NDUFAF7: variants seen among roughly 807,000 people sequenced by gnomAD.
The protein encoded by NDUFAF7 is protein arginine methyltransferase NDUFAF7, mitochondrial.
In NDUFAF7, 48 loss-of-function variants were observed where a neutral mutation model predicts 47.2. That is an observed-to-expected ratio of 1.02 (90% CI 0.81 to 1.29). NDUFAF7 has a LOEUF of 1.29. Among genes scored for constraint, NDUFAF7 ranks in the 50% most tolerant of loss-of-function variants. The probability of loss-of-function intolerance (pLI) is 0.00; values close to 1 mark genes in which losing one functional copy is unlikely to be tolerated. For missense variants in NDUFAF7, 635 were observed against 537.6 expected, an observed-to-expected ratio of 1.18 and a Z score of -1.79; for synonymous variants, 217 against 190.0, an observed-to-expected ratio of 1.14 and a Z score of -1.17.
chr2:37,269,499 C>T, the NDUFAF7 span: 9 of 830,602 alleles, frequency 1.1e-5, no homozygotes, highest in Admixed American at 1.4e-4. Flanking sequence ...ACAAGTCAGC[C>T]TTTAAAAAAA....
downstream of NDUFAF7, among the ~76,000 whole-genome samples, chr2:37,254,708 T>C (rs974465312): frequency 5.3e-5 from 8 of 152,180 alleles, no homozygotes; most frequent in African/African-American, 1.9e-4. Context: ...TATTTGAAGA[T>C]GAATGAAACA....
chr2:37,242,951 G>T (rs1316535444), intron 6 of NDUFAF7, among the ~76,000 whole-genome samples: 3 of 152,008 alleles, frequency 2.0e-5, no homozygotes, highest in Admixed American at 2.0e-4. Context: ...TGGTAAGATG[G>T]TAACTGGCTG....
intron 2 of NDUFAF7, among the ~76,000 whole-genome samples, chr2:37,232,742 G>C (rs548158224): frequency 6.6e-6 from 1 of 152,338 alleles, no homozygotes; most frequent in East Asian, 1.9e-4. Flanking sequence ...TTGGAGACAT[G>C]TGCTGGGTTT....
chr2:37,242,530 A>G, intron 5 of NDUFAF7, 105 bp from the exon 6 acceptor site: 2 of 801,316 alleles, frequency 2.5e-6, no homozygotes, highest in Non-Finnish European at 4.2e-6. Context: ...ATTCTGTGGT[A>G]GTGATGATTA....
chr2:37,235,043 T>C (rs1232815017), intron 2 of NDUFAF7, among the ~76,000 whole-genome samples: 1 of 152,174 alleles, frequency 6.6e-6, no homozygotes, highest in African/African-American at 2.4e-5. Flanking sequence ...GGCATGATCT[T>C]CTGCAAACAA....
chr2:37,242,060 C>G lies in NDUFAF7; in HGVS notation c.622+269C>G, dbSNP rs1666407186. ...TGTACTTTTGAGTATTTCCCTATAG[C>G]TAGGGTTGTACCGATGACGGAGCAG... On this transcript the variant is annotated intron_variant, in intron 5 of 9. Transcript: ENST00000002125. 4.5e-5 allele frequency: 22 copies of G among 493,450 alleles called. No individual in the cohort carries two copies. The South Asian group carries it at 5.1e-4, about 11-fold the overall frequency. 30.6% of individuals were successfully genotyped at this position (493,450 alleles called of 1,614,324 possible).
intron 7 of NDUFAF7, among the ~76,000 whole-genome samples, 174 bp from the exon 8 acceptor site, chr2:37,245,878 T>G (rs1666846538): frequency 6.6e-6 from 1 of 152,196 alleles, no homozygotes; most frequent in Non-Finnish European, 1.5e-5. Context: ...ACTAAGGAGT[T>G]TTGTATAATA....
At chr2:37,261,916 T>C in the NDUFAF7 span, among the ~76,000 whole-genome samples, 1 of 152,214 alleles carries the variant, frequency 6.6e-6, no homozygotes, top group Non-Finnish European at 1.5e-5. Flanking sequence ...ACCATTCCGT[T>C]TTTTTGAGTA....
At position 37,247,541 on chromosome 2, in the gene NDUFAF7, G is replaced by A. The variant is rs1667058294; in HGVS notation, c.1022G>A (p.Arg341Gln). 9.3e-6 allele frequency: 15 copies of A among 1,614,028 alleles called. No homozygotes were observed. Among genetic ancestry groups the A allele is most frequent in the Non-Finnish European group, 1.2e-5 (14 of 1,179,988 alleles). ...GCTGATGTGGACTTCAGTTATTTGCGAAGAATGGCACAGGGAAAAGTAGCC... is the reference window on the plus strand; with the variant it reads ...GCTGATGTGGACTTCAGTTATTTGCAAAGAATGGCACAGGGAAAAGTAGCC... ...LTADVDFSYL[R>Q]RMAQGKVASL... The change falls in exon 9 of 10, where the codon CGA (arginine) becomes CAA (glutamine). Residue 341 changes from arginine (R) to glutamine (Q), a missense_variant. Transcript: ENST00000002125.
chr2:37,247,326 A>G (rs1232351063), intron 8 of NDUFAF7, 130 bp from the exon 9 acceptor site: 1 of 1,121,836 alleles, frequency 8.9e-7, no homozygotes, highest in Non-Finnish European at 1.3e-6. Context: ...TTCCCTGCCT[A>G]GAGAATTAAT....
downstream of NDUFAF7, chr2:37,251,115 T>C (rs1667453683): frequency 6.6e-6 from 1 of 152,634 alleles, no homozygotes; most frequent in Admixed American, 6.5e-5. Context: ...CTCAGAATTA[T>C]TCCATTTTGT....
downstream of NDUFAF7, chr2:37,254,188 T>C: frequency 3.8e-6 from 6 of 1,579,212 alleles, no homozygotes; most frequent in Non-Finnish European, 5.2e-6. Context: ...CAAAGAGAGA[T>C]TACATTTTTT....
downstream of NDUFAF7, among the ~76,000 whole-genome samples, chr2:37,257,472 T>C (rs1026731064): frequency 2.0e-5 from 3 of 152,062 alleles, no homozygotes; most frequent in Non-Finnish European, 4.4e-5. Flanking sequence ...GAGACCATCC[T>C]GGCTAATGCG....
chr2:37,263,313 G>C, the NDUFAF7 span, among the ~76,000 whole-genome samples: 3 of 152,118 alleles, frequency 2.0e-5, no homozygotes, highest in African/African-American at 4.8e-5. Flanking sequence ...CTTGTTTTCT[G>C]ATTTTGTAAT....
the NDUFAF7 span, among the ~76,000 whole-genome samples, chr2:37,263,088 TA>T: frequency 6.6e-6 from 1 of 152,150 alleles, no homozygotes; most frequent in African/African-American, 2.4e-5. Context: ...TCTTTAGGTT[TA>T]TTTTATTGTT....
intron 9 of NDUFAF7, among the ~76,000 whole-genome samples, 165 bp downstream of exon 9, chr2:37,247,794 A>G (rs1314186582): frequency 1.3e-5 from 2 of 152,146 alleles, no homozygotes; most frequent in Non-Finnish European, 2.9e-5. Flanking sequence ...GGTAAGTTTT[A>G]TGCATCTCCA....
chr2:37,246,231 T>G (rs1160937931), intron 8 of NDUFAF7, 36 bp downstream of exon 8: 1 of 1,610,852 alleles, frequency 6.2e-7, no homozygotes, highest in African/African-American at 1.3e-5. Context: ...TATCAGAATT[T>G]CAGTGTTAGA....
chr2:37,256,628 A>AAT (rs1382886611), downstream of NDUFAF7: 20 of 1,202,296 alleles, frequency 1.7e-5, no homozygotes, highest in Non-Finnish European at 1.9e-5. Context: ...CATAGCCAAA[A>AAT]TTTTTTTTTT....
chr2:37,249,568 C>CACATACACACACACACAT (rs1167616662), downstream of NDUFAF7, among the ~76,000 whole-genome samples: 2 of 55,966 alleles, frequency 3.6e-5, no homozygotes, highest in Non-Finnish European at 8.0e-5. Context: ...GACACACACA[C>CACATACACACACACACAT]ACACACACAC....
Sources: allele counts gnomAD v4.1 joint callset (sites outside exome capture counted in the v4.1 genomes callset), GRCh38; gene constraint gnomAD v4.1.1; transcripts MANE v1.5; gene names NCBI Gene and HGNC (gene_info 2026-07-23, HGNC 2026-07-21).